The following LPP variants were observed in gnomAD, a reference collection of about 807,000 sequenced individuals.
LPP encodes the protein LIM domain containing preferred translocation partner in lipoma, also known as lipoma-preferred partner.
Under a neutral mutation model 60.4 loss-of-function variants are expected in LPP, and 38 were observed. That is an observed-to-expected ratio of 0.63 (90% CI 0.49 to 0.83). The LOEUF (loss-of-function observed/expected upper bound fraction) is 0.83. LPP is among the 40% of genes least tolerant of loss of function. The pLI is 0.00. For missense variants in LPP, 902 were observed against 783.6 expected (o/e 1.15, Z -1.80); for synonymous variants, 328 against 290.8 (o/e 1.13, Z -1.30).
At chr3:188,766,823 G>A (rs56244668) in intron 9 of LPP, among the ~76,000 whole-genome samples, 100,778 of 152,066 alleles carry the variant, frequency 0.66, 33,897 homozygotes, top group South Asian at 0.8. Flanking sequence ...TTCACATTTT[G>A]TCATGCACTT....
intron 3 of LPP, among the ~76,000 whole-genome samples, chr3:188,402,158 C>T (rs1782398282): frequency 6.6e-6 from 1 of 151,822 alleles, no homozygotes; most frequent in Non-Finnish European, 1.5e-5. Flanking sequence ...TTTAAAAAAC[C>T]AGATAATTCC....
intron 9 of LPP, among the ~76,000 whole-genome samples, chr3:188,792,283 T>C (rs1744016476): frequency 6.6e-6 from 1 of 152,226 alleles, no homozygotes; most frequent in Non-Finnish European, 1.5e-5. Context: ...CTTCTTAGTT[T>C]CAGCTCCAAT....
In LPP at chr3:188,182,661, G is replaced by A. The variant is rs114976591; in HGVS notation, c.-190+28409G>A. Among the ~76,000 whole-genome samples the A allele has an allele frequency of 1.1e-3, 162 of 151,562 alleles. No individual in the cohort carries two copies. Among genetic ancestry groups the A allele is most frequent in the African/African-American group, 3.8e-3 (158 of 41,286 alleles). On this transcript the variant is annotated intron_variant, in intron 1 of 11. Transcript: ENST00000617246. This position sits in a 1 kb window ranked among gnomAD's most constrained non-coding sequence, Gnocchi z 4.4. ...TGAGACATGATGGTGTTTGCTGAAG[G>A]GAACATAGGGATCTTTAAGTCCAGT...
chr3:188,240,319 A>T (rs187352873), intron 2 of LPP, among the ~76,000 whole-genome samples: 3 of 151,744 alleles, frequency 2.0e-5, no homozygotes, highest in East Asian at 1.9e-4. Context: ...TTGACTGCAT[A>T]AGAGTCAGGA....
chr3:188,828,116 GA>G lies in LPP; in HGVS notation c.1411-38080del, dbSNP rs1756068284. 3.9e-5 allele frequency among the ~76,000 whole-genome samples: 6 copies of G among 152,028 alleles called. No homozygotes were observed. The South Asian group carries it at 1.2e-3, about 32-fold the overall frequency. On this transcript the variant is annotated intron_variant, in intron 9 of 11. Transcript: ENST00000617246. ...TAGTTCTTGAGTGGTCAGCAGTAAA[GA>G]AAACAGACAAAAAAATAATACCCTG...
chr3:188,264,788 C>CTCTCTG (rs1553843205), intron 2 of LPP, among the ~76,000 whole-genome samples: 1 of 151,480 alleles, frequency 6.6e-6, no homozygotes, highest in Non-Finnish European at 1.5e-5. Context: ...CTCTCTCTCT[C>CTCTCTG]TGTGTGTGTC....
At chr3:188,307,927 T>C (rs1752065965) in intron 2 of LPP, among the ~76,000 whole-genome samples, 1 of 152,172 alleles carries the variant, frequency 6.6e-6, no homozygotes, top group Non-Finnish European at 1.5e-5. Flanking sequence ...CATTCTGTGC[T>C]CTGGGGTGTA....
chr3:188,837,394 A>C (rs941138972), intron 9 of LPP, among the ~76,000 whole-genome samples: 1 of 147,664 alleles, frequency 6.8e-6, no homozygotes, highest in Non-Finnish European at 1.5e-5. Flanking sequence ...TAATAATAAT[A>C]ATAATAATAA....
At chr3:188,860,472 A>T (rs1764913907) in intron 9 of LPP, among the ~76,000 whole-genome samples, 1 of 152,076 alleles carries the variant, frequency 6.6e-6, no homozygotes, top group Non-Finnish European at 1.5e-5. Context: ...TAAGTGGATG[A>T]GATCTCTCCT....
chr3:188,842,262 A>C (rs1760227585), intron 9 of LPP, among the ~76,000 whole-genome samples: 1 of 152,224 alleles, frequency 6.6e-6, no homozygotes, highest in African/African-American at 2.4e-5. Flanking sequence ...TAATTTGCAT[A>C]TCTCTGATGA....
rs1860256000 is a variant in LPP at position 188,684,605 on chromosome 3, G to C, written c.1114-23662G>C. 2.0e-5 allele frequency among the ~76,000 whole-genome samples: 3 copies of C among 151,708 alleles called. No homozygotes were observed. The South Asian group carries it at 6.2e-4, about 32-fold the overall frequency. ...CCATACGCTGTTAGTGTTAGAAATG[G>C]AGCCGTCAGCAAATAGAATCTGTTG... On this transcript the variant is annotated intron_variant, in intron 7 of 11. Coordinates refer to ENST00000617246, the MANE Select transcript of LPP (RefSeq NM_001375462.1).
At chr3:188,346,554 G>A (rs959095486) in intron 3 of LPP, among the ~76,000 whole-genome samples, 1 of 151,930 alleles carries the variant, frequency 6.6e-6, no homozygotes, top group Non-Finnish European at 1.5e-5. Flanking sequence ...GTGAGCCACC[G>A]TGCCTGGCCT....
chr3:188,708,055 T>C (rs890899877), intron 7 of LPP, among the ~76,000 whole-genome samples: 2 of 152,232 alleles, frequency 1.3e-5, no homozygotes, highest in African/African-American at 4.8e-5. Context: ...TAAAGCCTGA[T>C]AGATGACTCA....
intron 9 of LPP, among the ~76,000 whole-genome samples, chr3:188,810,207 T>C (rs552713655): frequency 6.6e-6 from 1 of 152,274 alleles, no homozygotes; most frequent in South Asian, 2.1e-4. Flanking sequence ...GTTTTTTTTT[T>C]CTGTTACCAA....
intron 7 of LPP, among the ~76,000 whole-genome samples, chr3:188,668,156 G>GA (rs367716175): frequency 5.8e-4 from 84 of 144,174 alleles, no homozygotes; most frequent in Admixed American, 1.7e-3. Flanking sequence ...GTTTAAGTTT[G>GA]AAAAAAAAAA....
chr3:188,635,090 C>A (rs986088117), intron 7 of LPP, among the ~76,000 whole-genome samples: 2 of 151,986 alleles, frequency 1.3e-5, no homozygotes, highest in Non-Finnish European at 1.5e-5. Context: ...TAAAATAATT[C>A]TTGTTGTGAG....
chr3:188,563,691 T>C (rs1831341551), intron 6 of LPP, among the ~76,000 whole-genome samples: 1 of 151,666 alleles, frequency 6.6e-6, no homozygotes. Flanking sequence ...TTTGTGTACA[T>C]GTGAATCCAG....
At chr3:188,315,478 T>G (rs1754754728) in intron 2 of LPP, among the ~76,000 whole-genome samples, 1 of 152,144 alleles carries the variant, frequency 6.6e-6, no homozygotes, top group South Asian at 2.1e-4. Flanking sequence ...AATTTCCATA[T>G]TTTTATTTCT....
rs754782287 is a variant in LPP, at chr3:188,609,385, G to A, written c.654G>A (p.Arg218=). The A allele has an allele frequency of 1.9e-5, 31 of 1,613,916 alleles. No homozygotes were observed. Among genetic ancestry groups the A allele is most frequent in the Non-Finnish European group, 2.5e-5 (29 of 1,180,014 alleles). The change falls in exon 7 of 12, where the codon AGG becomes AGA. Residue 218 remains arginine, a synonymous_variant. Transcript: ENST00000617246. This position sits in a 1 kb window ranked among gnomAD's most constrained non-coding sequence, Gnocchi z 6.9. The part of the protein sequence containing the change: ...ASYTTASTSS[R]PTFNVQVKSA... ...ACACCACGGCCTCCACTTCTTCAAG[G>A]CCTACCTTTAATGTGCAGGTGAAGT... is the stretch of plus-strand genomic sequence containing the variant.
Sources: gnomAD v4.1 joint callset for allele counts (sites outside exome capture counted in the v4.1 genomes callset) on GRCh38, gnomAD v4.1.1 for gene constraint, Gnocchi (gnomAD v3.1) non-coding constraint, MANE v1.5 for transcripts, NCBI Gene and HGNC (gene_info 2026-07-23, HGNC 2026-07-21) for gene names.